Variants in RABGAP1L observed in about 807,000 individuals in gnomAD.
RABGAP1L encodes RAB GTPase activating protein 1 like, also known as rab GTPase-activating protein 1-like.
RABGAP1L carries 63 observed loss-of-function variants against 137.7 expected under a neutral mutation model. That is an observed-to-expected ratio of 0.46 (90% CI 0.37 to 0.56). The LOEUF (loss-of-function observed/expected upper bound fraction) is 0.56, where lower values mean the gene tolerates loss of function less well. Ranked by LOEUF, RABGAP1L falls within the 20% of genes least tolerant of loss-of-function variation. The pLI, the probability that RABGAP1L is intolerant of heterozygous loss-of-function variation, is 0.00. For missense variants in RABGAP1L, 1,095 were observed against 1,244.0 expected (o/e 0.88, Z 1.80); for synonymous variants, 431 against 433.7 (o/e 0.99, Z 0.08).
intron 13 of RABGAP1L, among the ~76,000 whole-genome samples, chr1:174,572,311 G>A (rs1572364738): frequency 6.6e-6 from 1 of 152,272 alleles, no homozygotes; most frequent in East Asian, 1.9e-4. Context: ...AATGTTAAAT[G>A]TTATTACGCT....
At chr1:174,369,841 T>G (rs1179490796) in intron 11 of RABGAP1L, among the ~76,000 whole-genome samples, 1 of 152,208 alleles carries the variant, frequency 6.6e-6, no homozygotes, top group Non-Finnish European at 1.5e-5. Flanking sequence ...TAAATGTCCC[T>G]TATAATTCTT....
At chr1:174,386,662 C>G (rs957925718) in intron 12 of RABGAP1L, among the ~76,000 whole-genome samples, 1 of 152,014 alleles carries the variant, frequency 6.6e-6, no homozygotes, top group Non-Finnish European at 1.5e-5. Flanking sequence ...TATGGGCCAC[C>G]ACGCCTGGCT....
At chr1:174,724,270 A>G (rs1681810235) in intron 17 of RABGAP1L, among the ~76,000 whole-genome samples, 1 of 152,228 alleles carries the variant, frequency 6.6e-6, no homozygotes. Context: ...AATGTGTTAC[A>G]TGATGTCAGC....
intron 17 of RABGAP1L, among the ~76,000 whole-genome samples, chr1:174,709,698 A>G (rs1237801092): frequency 6.6e-6 from 1 of 152,244 alleles, no homozygotes; most frequent in Non-Finnish European, 1.5e-5. Flanking sequence ...GACCAAAGAT[A>G]GATAAATCCA....
chr1:174,295,691 T>C (rs1309397039), intron 10 of RABGAP1L, among the ~76,000 whole-genome samples: 1 of 151,664 alleles, frequency 6.6e-6, no homozygotes, highest in Non-Finnish European at 1.5e-5. Flanking sequence ...GCCTTTTTTT[T>C]TTTTTTTGGT....
intron 18 of RABGAP1L, among the ~76,000 whole-genome samples, chr1:174,781,088 A>G (rs1416163627): frequency 2.6e-5 from 4 of 152,144 alleles, no homozygotes; most frequent in Non-Finnish European, 5.9e-5. Flanking sequence ...TATACCCAGT[A>G]ATGGGATGGC....
rs899714335 is a variant in RABGAP1L, at chr1:174,625,437, GTGTT to G, written c.1711-11928_1711-11925del. On this transcript the variant is annotated intron_variant, in intron 13 of 25. Coordinates refer to ENST00000681986, the MANE Select transcript of RABGAP1L (RefSeq NM_001366446.1). ...TCACTTTTTGTGGGGTAGTGTGTGT[GTGTT>G]TGTTTGTTTTCAGAGTGGGCCTTAC... Among the ~76,000 whole-genome samples the G allele has an allele frequency of 2.0e-5, 3 of 151,814 alleles. No homozygotes were observed. The East Asian group carries it at 5.8e-4, about 30-fold the overall frequency.
chr1:174,480,793 C>T (rs866340779), intron 13 of RABGAP1L, among the ~76,000 whole-genome samples: 2 of 152,218 alleles, frequency 1.3e-5, no homozygotes, highest in African/African-American at 2.4e-5. Context: ...GCCATCGGGG[C>T]AATTAACATA....
chr1:174,595,710 G>T (rs1251043632), intron 13 of RABGAP1L, among the ~76,000 whole-genome samples: 2 of 123,616 alleles, frequency 1.6e-5, no homozygotes, highest in South Asian at 2.8e-4. Context: ...CAGTCTGCCC[G>T]TTCTCAGATC....
chr1:174,344,869 C>T (rs1007371412), intron 11 of RABGAP1L, among the ~76,000 whole-genome samples: 3 of 152,150 alleles, frequency 2.0e-5, no homozygotes, highest in Admixed American at 6.5e-5. Flanking sequence ...TTGCCCAGAC[C>T]AATGTCCTCG....
At chr1:174,176,833 A>T (rs1447218765) in intron 1 of RABGAP1L, among the ~76,000 whole-genome samples, 1 of 150,128 alleles carries the variant, frequency 6.7e-6, no homozygotes, top group African/African-American at 2.5e-5. Flanking sequence ...TAATCCCAGC[A>T]CTTTGAGAGG....
chr1:174,748,423 C>G (rs1441388402), intron 17 of RABGAP1L, among the ~76,000 whole-genome samples: 1 of 152,056 alleles, frequency 6.6e-6, no homozygotes, highest in Non-Finnish European at 1.5e-5. Context: ...CATATGTAAA[C>G]CAAAAACATC....
chr1:174,164,983 G>A (rs1664785737), intron 1 of RABGAP1L, among the ~76,000 whole-genome samples: 1 of 152,064 alleles, frequency 6.6e-6, no homozygotes, highest in South Asian at 2.1e-4. Context: ...TGTGTATAAG[G>A]GATTGTGTTA....
chr1:174,310,855 C>CA (rs1298257064), intron 11 of RABGAP1L, among the ~76,000 whole-genome samples: 2 of 151,926 alleles, frequency 1.3e-5, no homozygotes, highest in Admixed American at 6.6e-5. Flanking sequence ...CTCTCATACT[C>CA]ATATTCTCTC....
intron 13 of RABGAP1L, among the ~76,000 whole-genome samples, chr1:174,466,747 A>G (rs941232230): frequency 2.0e-5 from 3 of 152,228 alleles, no homozygotes; most frequent in African/African-American, 2.4e-5. Flanking sequence ...AGATCACGCC[A>G]CTGCACTCTA....
chr1:174,206,705 C>T (rs1668526135), intron 1 of RABGAP1L, among the ~76,000 whole-genome samples: 1 of 152,118 alleles, frequency 6.6e-6, no homozygotes, highest in Non-Finnish European at 1.5e-5. Flanking sequence ...GAAATTAGAT[C>T]ACGTGCACTG....
chr1:174,849,643 A>T (rs1194904051), intron 19 of RABGAP1L: 3 of 394,860 alleles, frequency 7.6e-6, no homozygotes, highest in African/African-American at 4.2e-5. Flanking sequence ...GATGAGAAGT[A>T]CACTTAGGAA....
At chr1:174,639,247 A>G (rs1244249991) in intron 14 of RABGAP1L, among the ~76,000 whole-genome samples, 1 of 151,992 alleles carries the variant, frequency 6.6e-6, no homozygotes, top group African/African-American at 2.4e-5. Context: ...TTAGAAATCT[A>G]TTTTTATATG....
chr1:174,550,921 C>T (rs796370628), intron 13 of RABGAP1L, among the ~76,000 whole-genome samples: 23,866 of 90,688 alleles, frequency 0.26, 3,809 homozygotes, highest in African/African-American at 0.31. Flanking sequence ...CACACACACA[C>T]ATATATATAT....
Sources: gnomAD v4.1 joint callset for allele counts (sites outside exome capture counted in the v4.1 genomes callset) on GRCh38, gnomAD v4.1.1 for gene constraint, MANE v1.5 for transcripts, NCBI Gene and HGNC (gene_info 2026-07-23, HGNC 2026-07-21) for gene names.